The following BEND7 variants were observed in gnomAD, a reference collection of about 807,000 sequenced individuals.
The protein encoded by BEND7 is BEN domain containing 7.
A neutral mutation model predicts 50.9 loss-of-function variants in BEND7; 28 were observed. That is an observed-to-expected ratio of 0.55 (90% CI 0.41 to 0.75). The LOEUF (loss-of-function observed/expected upper bound fraction) is 0.75. Ranked by LOEUF, BEND7 falls within the 30% of genes least tolerant of loss-of-function variation. The pLI, the probability that BEND7 is intolerant of heterozygous loss-of-function variation, is 0.00. For missense variants in BEND7, 477 were observed against 491.3 expected (o/e 0.97, Z 0.28); for synonymous variants, 170 against 183.9 (o/e 0.92, Z 0.61).
chr10:13,527,703 T>G (rs978348942), intron 1 of BEND7: 72 of 340,420 alleles, frequency 2.1e-4, no homozygotes, highest in Non-Finnish European at 2.5e-5. Context: ...ATTTTCACGA[T>G]GGCTCTTGAG....
intron 3 of BEND7, 132 bp from the exon 4 acceptor site, chr10:13,497,020 G>C: frequency 8.5e-7 from 1 of 1,171,100 alleles, no homozygotes; most frequent in Non-Finnish European, 1.1e-6. Context: ...ATGAAGCTGT[G>C]CCTAAGGAAA....
chr10:13,463,488 A>G (rs902040993), intron 6 of BEND7, among the ~76,000 whole-genome samples: 1 of 152,270 alleles, frequency 6.6e-6, no homozygotes, highest in African/African-American at 2.4e-5. Context: ...TGGCAGAGAT[A>G]GAATTATGAA....
At chr10:13,497,777 C>T (rs1404190818) in intron 3 of BEND7, among the ~76,000 whole-genome samples, 1 of 152,152 alleles carries the variant, frequency 6.6e-6, no homozygotes, top group African/African-American at 2.4e-5. Flanking sequence ...TAGAGACTTC[C>T]AGCGCTCACA....
chr10:13,526,044 A>G (rs889044954), intron 2 of BEND7, 94 bp downstream of exon 2: 3 of 539,502 alleles, frequency 5.6e-6, no homozygotes, highest in Non-Finnish European at 8.9e-6. Context: ...AAGCAATGGC[A>G]GACATTTCCC....
At chr10:13,485,053 C>G (rs2076121631) in intron 5 of BEND7, among the ~76,000 whole-genome samples, 1 of 152,128 alleles carries the variant, frequency 6.6e-6, no homozygotes, top group African/African-American at 2.4e-5. Flanking sequence ...TCTAGTTTGG[C>G]TGGGGAATCT....
At chr10:13,488,581 G>A (rs1360390713) in intron 5 of BEND7, among the ~76,000 whole-genome samples, 4 of 151,762 alleles carry the variant, frequency 2.6e-5, no homozygotes, top group South Asian at 2.1e-4. Flanking sequence ...TTCGACTCCC[G>A]GGTTCAAGCG....
chr10:13,516,302 G>C (rs983744941), intron 2 of BEND7, among the ~76,000 whole-genome samples: 2 of 152,206 alleles, frequency 1.3e-5, no homozygotes, highest in Non-Finnish European at 2.9e-5. Context: ...CAAGATTCCA[G>C]GGGTGCTGTC....
chr10:13,464,407 A>G (rs1588722501), intron 6 of BEND7, among the ~76,000 whole-genome samples: 1 of 152,238 alleles, frequency 6.6e-6, no homozygotes, highest in African/African-American at 2.4e-5. Flanking sequence ...GCAAGTTGCA[A>G]AAGTACCGTG....
chr10:13,499,666 G>C, intron 3 of BEND7, 112 bp downstream of exon 3: 2 of 1,257,734 alleles, frequency 1.6e-6, no homozygotes, highest in Non-Finnish European at 2.1e-6. Flanking sequence ...ACTCAGCAAA[G>C]GCAGGTAATT....
At position 13,446,972 on chromosome 10, in the gene BEND7, T is replaced by C. The variant is rs530149291; in HGVS notation, c.1234+294A>G. ...GAAATCTCATTTCACGTTAAAAATA[T>C]TTTGTAATGTCCAAAGGTTTGGGGA... is the stretch of plus-strand genomic sequence containing the variant. On this transcript the variant is annotated intron_variant, in intron 8 of 8. Transcript: ENST00000466271. The C allele has an allele frequency of 5.3e-5, 21 of 397,012 alleles. No homozygotes were observed. The East Asian group carries it at 1.2e-3, about 22-fold the overall frequency. The allele number at this position is 397,012 out of a possible 1,614,324, so 24.6% of individuals were successfully genotyped here.
intron 1 of BEND7, 137 bp from the exon 2 acceptor site, chr10:13,526,358 C>G (rs2079461409): frequency 3.8e-6 from 1 of 260,980 alleles, no homozygotes; most frequent in Non-Finnish European, 7.1e-6. Context: ...CTGAAATAAT[C>G]ACAGAATTTG....
chr10:13,453,447 C>T (rs7075673), intron 6 of BEND7, among the ~76,000 whole-genome samples: 47,325 of 151,732 alleles, frequency 0.31, 8,643 homozygotes, highest in East Asian at 0.68. Flanking sequence ...TTGGTAATTT[C>T]GATGTTTTAA....
At chr10:13,522,130 A>G (rs4991386) in intron 2 of BEND7, among the ~76,000 whole-genome samples, 72,600 of 109,886 alleles carry the variant, frequency 0.66, 18,394 homozygotes, top group African/African-American at 0.71. Flanking sequence ...AGCGCAATGA[A>G]TTTGTTGAAT....
chr10:13,439,765 T>G (rs1373933537), downstream of BEND7, among the ~76,000 whole-genome samples: 1 of 152,202 alleles, frequency 6.6e-6, no homozygotes, highest in Admixed American at 6.5e-5. Flanking sequence ...CTCCTGCGAA[T>G]GCTCCCTGCT....
intron 2 of BEND7, chr10:13,500,361 T>A: frequency 2.1e-6 from 1 of 480,270 alleles, no homozygotes; most frequent in Non-Finnish European, 3.2e-6. Context: ...TGACATTCCC[T>A]CTTTGGAAGC....
chr10:13,470,668 G>C (rs1423873902), intron 6 of BEND7, among the ~76,000 whole-genome samples: 3 of 152,192 alleles, frequency 2.0e-5, no homozygotes, highest in African/African-American at 7.2e-5. Flanking sequence ...CTTATGGAAG[G>C]CCGGTGATGA....
intron 5 of BEND7, among the ~76,000 whole-genome samples, chr10:13,487,956 G>A (rs1475875486): frequency 1.3e-5 from 2 of 151,808 alleles, no homozygotes; most frequent in African/African-American, 4.8e-5. Flanking sequence ...AGTTGGGCAT[G>A]GTGGCAGGCA....
chr10:13,525,584 C>T lies in BEND7; in HGVS notation c.145+554G>A, dbSNP rs190381652. ...CTAGCACTATCAAGAGCTGGTTAGG[C>T]AGACAGTCACACTTTTATTTTCCTT... On this transcript the variant is annotated intron_variant, in intron 2 of 8. Coordinates refer to ENST00000466271, the MANE Select transcript of BEND7 (RefSeq NM_001369863.1). Among the ~76,000 whole-genome samples, 12 of 152,268 alleles carry T rather than the reference C, an allele frequency of 7.9e-5. No individual in the cohort carries two copies. In the East Asian group the frequency reaches 2.3e-3, roughly 29 times the overall value.
chr10:13,475,324 G>C (rs550918339), intron 6 of BEND7, among the ~76,000 whole-genome samples: 3 of 152,352 alleles, frequency 2.0e-5, no homozygotes, highest in Admixed American at 6.5e-5. Context: ...CAGGTGATTA[G>C]TCACCTTCCC....
Sources: gnomAD v4.1 joint callset for allele counts (sites outside exome capture counted in the v4.1 genomes callset) on GRCh38, gnomAD v4.1.1 for gene constraint, MANE v1.5 for transcripts, NCBI Gene and HGNC (gene_info 2026-07-23, HGNC 2026-07-21) for gene names.